CARMIL1: variants seen among roughly 807,000 people sequenced by gnomAD.
The protein encoded by CARMIL1 is capping protein regulator and myosin 1 linker 1, also known as F-actin-uncapping protein LRRC16A.
A neutral mutation model predicts 177.1 loss-of-function variants in CARMIL1; 90 were observed. That is an observed-to-expected ratio of 0.51 (90% CI 0.43 to 0.61). CARMIL1 has a LOEUF of 0.61. CARMIL1 is among the 20% of genes least tolerant of loss of function. CARMIL1 has a pLI of 0.00. For missense variants in CARMIL1, 1,380 were observed against 1,667.0 expected (o/e 0.83, Z 3.00); for synonymous variants, 577 against 606.2 (o/e 0.95, Z 0.71).
At chr6:25,392,053 CATGTGTGTGTGT>C (rs1792882058) in intron 2 of CARMIL1, among the ~76,000 whole-genome samples, 6 of 107,578 alleles carry the variant, frequency 5.6e-5, no homozygotes, top group African/African-American at 1.3e-4. Context: ...TGTGTATATG[CATGTGTGTGTGT>C]GTGTGTGTGT....
intron 2 of CARMIL1, among the ~76,000 whole-genome samples, chr6:25,386,205 A>G (rs1249137823): frequency 6.6e-6 from 1 of 152,202 alleles, no homozygotes; most frequent in African/African-American, 2.4e-5. Context: ...TTACCTTGGT[A>G]TGATATAAGG....
rs750589777 is a variant in CARMIL1 at position 25,619,496 on chromosome 6, G to A, written c.4029G>A (p.Lys1343=). The A allele has an allele frequency of 1.3e-5, 21 of 1,613,716 alleles. No individual in the cohort carries two copies. The highest frequency in any genetic ancestry group is 1.6e-4 in the Middle Eastern group (1 of 6,084). ...GQQAQEYQEQ[K]QRSSSKDGHQ... ...AGGCCCAGGAGTATCAAGAACAAAA[G>A]CAACGGTCCTCCAGTAAAGATGGCC... The change falls in exon 37 of 37, where the codon AAG becomes AAA. Residue 1343 remains lysine, a synonymous_variant. Transcript: ENST00000329474.
intron 2 of CARMIL1, among the ~76,000 whole-genome samples, chr6:25,392,072 G>GCA (rs1792900997): frequency 2.6e-5 from 2 of 77,404 alleles, no homozygotes; most frequent in South Asian, 1.2e-3. Context: ...GTGTGTGTGT[G>GCA]TGTGTGTGTG....
chr6:25,435,551 G>T lies in CARMIL1; in HGVS notation c.318G>T (p.Val106=), dbSNP rs1413186903. The T allele has an allele frequency of 3.2e-6, 5 of 1,560,504 alleles. No individual in the cohort carries two copies. Among genetic ancestry groups the T allele is most frequent in the Non-Finnish European group, 4.3e-6 (5 of 1,151,492 alleles). ...CGTCACCCGAGGACGTGAGTGAGGT[G>T]CTGGCTCACATAGGCACCTGCCTGA... The part of the protein sequence containing the change: ...KMASPEDVSE[V]LAHIGTCLRK... The change falls in exon 5 of 37, where the codon GTG becomes GTT. Residue 106 remains valine, a synonymous_variant. Coordinates refer to ENST00000329474, the MANE Select transcript of CARMIL1 (RefSeq NM_017640.6).
chr6:25,520,995 C>T (rs1295533664), intron 23 of CARMIL1, among the ~76,000 whole-genome samples: 1 of 152,216 alleles, frequency 6.6e-6, no homozygotes, highest in Non-Finnish European at 1.5e-5. Context: ...GCCTACTCCA[C>T]TCACACTGTG....
At chr6:25,417,264 C>CG (rs1334854608) in intron 2 of CARMIL1, among the ~76,000 whole-genome samples, 1 of 152,114 alleles carries the variant, frequency 6.6e-6, no homozygotes, top group Admixed American at 6.5e-5. Context: ...CCAAGCGTAT[C>CG]TCTGGTGCCT....
intron 2 of CARMIL1, 56 bp from the exon 3 acceptor site, chr6:25,420,058 G>C (rs1285758553): frequency 7.2e-7 from 1 of 1,385,188 alleles, no homozygotes; most frequent in African/African-American, 1.4e-5. Flanking sequence ...AAACACCAAA[G>C]CCCACTGGCC....
In CARMIL1 at chr6:25,482,237, G is replaced by T; in HGVS notation, c.875-20G>T. 4 of 1,303,574 alleles carry T rather than the reference G, an allele frequency of 3.1e-6. No homozygotes were observed. Among genetic ancestry groups the T allele is most frequent in the Non-Finnish European group, 4.3e-6 (4 of 921,598 alleles). The allele number at this position is 1,303,574 out of a possible 1,614,324, so 80.8% of individuals were successfully genotyped here. ...TTCTGAGAACTTGAAAATTCTAATC[G>T]CTTCTTTTTCCTTTCTCAGGTGTGT... On this transcript the variant is annotated intron_variant, in intron 11 of 36. Coordinates refer to ENST00000329474, the MANE Select transcript of CARMIL1 (RefSeq NM_017640.6).
At chr6:25,315,802 G>A (rs1784229617) in intron 2 of CARMIL1, among the ~76,000 whole-genome samples, 1 of 152,162 alleles carries the variant, frequency 6.6e-6, no homozygotes, top group African/African-American at 2.4e-5. Flanking sequence ...GAATTAAAGA[G>A]TAATAGGCAC....
chr6:25,576,110 G>A (rs1812561202), intron 29 of CARMIL1, among the ~76,000 whole-genome samples: 1 of 151,876 alleles, frequency 6.6e-6, no homozygotes, highest in Admixed American at 6.6e-5. Context: ...TTTTATAAAT[G>A]AATTTTTAAA....
rs1327339369 is a variant in CARMIL1, at chr6:25,435,542, G to C, written c.309G>C (p.Val103=). The part of the protein sequence containing the change: ...ISMKMASPED[V]SEVLAHIGTC... ...TGAAGATGGCGTCACCCGAGGACGT[G>C]AGTGAGGTGCTGGCTCACATAGGCA... The change falls in exon 5 of 37, where the codon GTG becomes GTC. Residue 103 remains valine (V), a synonymous_variant. Transcript: ENST00000329474. The C allele has an allele frequency of 6.4e-7, 1 of 1,557,898 alleles. No individual in the cohort carries two copies.
At chr6:25,562,596 T>C (rs965396485) in intron 29 of CARMIL1, among the ~76,000 whole-genome samples, 2 of 152,194 alleles carry the variant, frequency 1.3e-5, no homozygotes, top group African/African-American at 4.8e-5. Flanking sequence ...CAGTGTTGAC[T>C]GCCCTCACAG....
intron 23 of CARMIL1, among the ~76,000 whole-genome samples, chr6:25,526,486 C>A (rs2151092516): frequency 6.6e-6 from 1 of 151,472 alleles, no homozygotes; most frequent in South Asian, 2.1e-4. Flanking sequence ...CCTTCCCTCT[C>A]ATTCTCCTGT....
In CARMIL1 at chr6:25,433,903, C is replaced by T. The variant is rs574112518; in HGVS notation, c.250-1580C>T. 5.9e-5 allele frequency among the ~76,000 whole-genome samples: 9 copies of T among 152,178 alleles called. No individual in the cohort carries two copies. The South Asian group carries it at 1.5e-3, about 25-fold the overall frequency. On this transcript the variant is annotated intron_variant, in intron 4 of 36. Transcript: ENST00000329474. ...GAAATACTTACATTATTATTATTTT[C>T]AGTTTGGGCTAATTTCAGGAAAATG...
intron 2 of CARMIL1, among the ~76,000 whole-genome samples, chr6:25,305,059 A>C (rs535310888): frequency 1.5e-4 from 23 of 152,244 alleles, no homozygotes; most frequent in African/African-American, 5.5e-4. Flanking sequence ...GCAAGGTTTG[A>C]TTTTGGCATT....
At chr6:25,491,285 A>G (rs1463542114) in intron 13 of CARMIL1, among the ~76,000 whole-genome samples, 8 of 152,238 alleles carry the variant, frequency 5.3e-5, no homozygotes, top group Admixed American at 2.0e-4. Flanking sequence ...TATGTCGGAC[A>G]GAAGAGAGGA....
chr6:25,465,199 GAAT>G (rs1800493974), intron 8 of CARMIL1, among the ~76,000 whole-genome samples: 1 of 151,892 alleles, frequency 6.6e-6, no homozygotes, highest in Non-Finnish European at 1.5e-5. Context: ...TCTGACTAGA[GAAT>G]ACTATATGAG....
chr6:25,616,463 A>G (rs1816898362), intron 36 of CARMIL1, among the ~76,000 whole-genome samples: 1 of 151,958 alleles, frequency 6.6e-6, no homozygotes, highest in African/African-American at 2.4e-5. Flanking sequence ...AGTGTCTGCT[A>G]CTCTGGAAGC....
chr6:25,455,992 A>G (rs1257084195), intron 8 of CARMIL1, among the ~76,000 whole-genome samples: 7 of 152,170 alleles, frequency 4.6e-5, no homozygotes, highest in Non-Finnish European at 1.0e-4. Flanking sequence ...TGTCACCAAG[A>G]GCCCCTACTA....
Sources: allele counts gnomAD v4.1 joint callset (sites outside exome capture counted in the v4.1 genomes callset), GRCh38; gene constraint gnomAD v4.1.1; transcripts MANE v1.5; gene names NCBI Gene and HGNC (gene_info 2026-07-23, HGNC 2026-07-21).